Variants in MCTP1 observed in about 807,000 individuals in gnomAD.
MCTP1 encodes multiple C2 and transmembrane domain-containing protein 1.
MCTP1 carries 69 observed loss-of-function variants against 120.6 expected under a neutral mutation model. That is an observed-to-expected ratio of 0.57 (90% confidence interval 0.47 to 0.70). The LOEUF is 0.70. Among genes scored for constraint, MCTP1 ranks in the 30% least tolerant of loss-of-function variants. The pLI is 0.00. For synonymous variants in MCTP1, 529 were observed against 493.1 expected, an observed-to-expected ratio of 1.07 and a Z score of -0.96; for missense variants, 1,203 against 1,248.8, an observed-to-expected ratio of 0.96 and a Z score of 0.55.
intron 1 of MCTP1, among the ~76,000 whole-genome samples, chr5:95,129,239 T>A (rs1241533325): frequency 6.6e-6 from 1 of 152,186 alleles, no homozygotes; most frequent in East Asian, 1.9e-4. Flanking sequence ...ATCAAGTTAT[T>A]GTATTTTTAT....
chr5:94,865,312 T>A (rs181878140), intron 17 of MCTP1, among the ~76,000 whole-genome samples: 1 of 152,008 alleles, frequency 6.6e-6, no homozygotes, highest in East Asian at 1.9e-4. Flanking sequence ...TATTCTACAT[T>A]TATTTTTGGA....
At chr5:94,724,549 G>T (rs1761701017) in intron 19 of MCTP1, among the ~76,000 whole-genome samples, 1 of 151,610 alleles carries the variant, frequency 6.6e-6, no homozygotes, top group Admixed American at 6.6e-5. Context: ...ACCCAGCCAA[G>T]AAAACCCTTT....
chr5:95,133,654 CA>C (rs746795416), intron 1 of MCTP1, among the ~76,000 whole-genome samples: 1 of 152,106 alleles, frequency 6.6e-6, no homozygotes, highest in South Asian at 2.1e-4. Context: ...GATTCCATCT[CA>C]AAAAATAAAT....
intron 1 of MCTP1, among the ~76,000 whole-genome samples, chr5:95,253,830 C>T (rs572365098): frequency 6.6e-6 from 1 of 152,108 alleles, no homozygotes; most frequent in South Asian, 2.1e-4. Context: ...TTTTTGAAAG[C>T]ATAATCCAGT....
intron 10 of MCTP1, among the ~76,000 whole-genome samples, chr5:94,897,651 C>T (rs1250232713): frequency 1.3e-5 from 2 of 152,184 alleles, no homozygotes; most frequent in Non-Finnish European, 2.9e-5. Flanking sequence ...AGGCATGAGC[C>T]ACTGCACCCA....
intron 1 of MCTP1, among the ~76,000 whole-genome samples, chr5:95,235,568 T>C (rs747445479): frequency 3.3e-5 from 5 of 152,082 alleles, no homozygotes; most frequent in Non-Finnish European, 5.9e-5. Context: ...TCCAGAAAAA[T>C]GCACATCATG....
At chr5:95,244,108 C>G (rs1756479288) in intron 1 of MCTP1, among the ~76,000 whole-genome samples, 3 of 152,134 alleles carry the variant, frequency 2.0e-5, no homozygotes, top group Admixed American at 2.0e-4. Flanking sequence ...AAGGATAATG[C>G]CTCCCTTTAT....
intron 3 of MCTP1, among the ~76,000 whole-genome samples, chr5:94,945,477 A>G (rs975351995): frequency 1.3e-5 from 2 of 152,140 alleles, no homozygotes; most frequent in Non-Finnish European, 2.9e-5. Context: ...GGGAAGTTTT[A>G]ATTTGGCGGT....
chr5:95,086,911 C>A (rs1755482694), intron 1 of MCTP1, among the ~76,000 whole-genome samples: 1 of 152,172 alleles, frequency 6.6e-6, no homozygotes, highest in East Asian at 1.9e-4. Flanking sequence ...AAAGAAACCT[C>A]ATGGTAAGTA....
chr5:94,719,848 G>A (rs1400015115), intron 19 of MCTP1, among the ~76,000 whole-genome samples: 1 of 152,118 alleles, frequency 6.6e-6, no homozygotes. Context: ...TAAAATTTTT[G>A]GCTGGGCCCA....
chr5:94,868,114 CTTGCG>C, intron 17 of MCTP1: 1 of 360,792 alleles, frequency 2.8e-6, no homozygotes, highest in Non-Finnish European at 4.9e-6. Context: ...GCTGAGATGT[CTTGCG>C]TTCCGGAAAT....
intron 12 of MCTP1, among the ~76,000 whole-genome samples, chr5:94,884,613 T>TGGGGGTG (rs1800838531): frequency 2.3e-4 from 1 of 4,274 alleles, no homozygotes; most frequent in Admixed American, 3.2e-3. Flanking sequence ...CACAGCAAGT[T>TGGGGGTG]GGGGGTGGGG....
chr5:95,151,020 G>A (rs1258232877), intron 1 of MCTP1, among the ~76,000 whole-genome samples: 1 of 151,480 alleles, frequency 6.6e-6, no homozygotes, highest in Non-Finnish European at 1.5e-5. Flanking sequence ...CCAGGCTGGA[G>A]TGCAGTGGCA....
chr5:94,908,473 G>C (rs1807537203), intron 10 of MCTP1, among the ~76,000 whole-genome samples: 1 of 151,844 alleles, frequency 6.6e-6, no homozygotes, highest in African/African-American at 2.4e-5. Flanking sequence ...TCTTCAAGCT[G>C]TATGTTTAAA....
At chr5:95,236,836 T>C (rs1001354903) in intron 1 of MCTP1, among the ~76,000 whole-genome samples, 1 of 152,164 alleles carries the variant, frequency 6.6e-6, no homozygotes, top group Non-Finnish European at 1.5e-5. Flanking sequence ...TGAATCCTGA[T>C]GATGGCAGAA....
intron 5 of MCTP1, among the ~76,000 whole-genome samples, chr5:94,938,788 T>G (rs1429208156): frequency 6.6e-6 from 1 of 152,078 alleles, no homozygotes; most frequent in African/African-American, 2.4e-5. Flanking sequence ...TATGTATGGA[T>G]TAGCCAGCTA....
intron 19 of MCTP1, among the ~76,000 whole-genome samples, chr5:94,742,381 T>C (rs1210571217): frequency 6.6e-6 from 1 of 152,148 alleles, no homozygotes; most frequent in Non-Finnish European, 1.5e-5. Context: ...TTATCAGTTT[T>C]AAGTGTGTCC....
In MCTP1 at chr5:95,283,914, G is replaced by T. The variant is rs763979659; in HGVS notation, c.662C>A (p.Ala221Glu). Residue 221 changes from alanine to glutamate, a missense_variant, in exon 1 of 23, where the codon GCG (alanine) becomes GAG (glutamate). By Grantham distance (107) the Ala-to-Glu change is moderately radical (BLOSUM62 -1). Around this residue, in one of 2 missense-constraint regions of MCTP1, gnomAD observed 463 missense variants for 377.8 expected, o/e 1.23. Transcript: ENST00000515393. ...LEPPPPPAEP[A>E]RSPAESRAPE... is the part of the protein sequence containing the mutation. ...GGCCCGAGACTCCGCGGGACTCCGC[G>T]CCGGCTCTGCGGGAGGAGGCGGCGG... 3.6e-5 allele frequency: 50 copies of T among 1,392,968 alleles called. No individual in the cohort carries two copies. Among genetic ancestry groups the T allele is most frequent in the East Asian group, 1.5e-4 (5 of 33,798 alleles). 86.3% of individuals were successfully genotyped at this position (1,392,968 alleles called of 1,614,324 possible).
chr5:95,123,609 C>T (rs1362664507), intron 1 of MCTP1, among the ~76,000 whole-genome samples: 3 of 151,430 alleles, frequency 2.0e-5, no homozygotes, highest in East Asian at 1.9e-4. Context: ...AAGATATATA[C>T]TTTGGGTTTC....
Sources: gnomAD v4.1 joint callset for allele counts (sites outside exome capture counted in the v4.1 genomes callset) on GRCh38, gnomAD v4.1.1 for gene constraint, gnomAD v4.1.1 regional missense constraint, MANE v1.5 for transcripts, NCBI Gene and HGNC (gene_info 2026-07-23, HGNC 2026-07-21) for gene names.